The following DNM3 variants were observed in gnomAD, a reference collection of about 807,000 sequenced individuals.
DNM3 encodes the protein dynamin 3, also known as dynamin-3.
In DNM3, 47 loss-of-function variants were observed where a neutral mutation model predicts 101.6. That is an observed-to-expected ratio of 0.46 (90% CI 0.37 to 0.59). The LOEUF is 0.59. Ranked by LOEUF, DNM3 falls within the 20% of genes least tolerant of loss-of-function variation. DNM3 has a pLI of 0.00. For synonymous variants in DNM3, 385 were observed against 387.9 expected (o/e 0.99, Z 0.09); for missense variants, 849 against 1,085.7 (o/e 0.78, Z 3.06).
intron 1 of DNM3, among the ~76,000 whole-genome samples, chr1:171,884,211 G>A (rs141368461): frequency 3.3e-5 from 5 of 152,184 alleles, no homozygotes; most frequent in Non-Finnish European, 5.9e-5. Flanking sequence ...TGGTTCTGGT[G>A]TTCTCTTTGG....
chr1:172,192,821 A>G (rs1209192476), intron 14 of DNM3, among the ~76,000 whole-genome samples: 3 of 151,570 alleles, frequency 2.0e-5, no homozygotes, highest in African/African-American at 7.3e-5. Context: ...ATTGTGAATA[A>G]TGTCGCAATA....
intron 13 of DNM3, 128 bp downstream of exon 13, chr1:172,093,003 G>C: frequency 3.5e-6 from 3 of 867,542 alleles, no homozygotes; most frequent in Non-Finnish European, 5.1e-6. Context: ...CTTTCATTTT[G>C]ATTTGTTTTT....
At chr1:172,297,327 C>T (rs1157804516) in intron 15 of DNM3, among the ~76,000 whole-genome samples, 1 of 151,566 alleles carries the variant, frequency 6.6e-6, no homozygotes, top group Non-Finnish European at 1.5e-5. Flanking sequence ...ATTTTTTCAA[C>T]CTCTTCTATA....
chr1:171,938,060 C>G (rs987590886), intron 2 of DNM3, among the ~76,000 whole-genome samples: 18 of 150,368 alleles, frequency 1.2e-4, no homozygotes, highest in African/African-American at 4.2e-4. Flanking sequence ...AATGAGCAAT[C>G]GTTCTTTTTA....
intron 15 of DNM3, among the ~76,000 whole-genome samples, chr1:172,276,151 G>A (rs1053403839): frequency 6.6e-6 from 1 of 152,030 alleles, no homozygotes. Flanking sequence ...TATTGGTAGG[G>A]TGTCCTAATT....
At chr1:171,902,802 A>T (rs1016116875) in intron 1 of DNM3, among the ~76,000 whole-genome samples, 2 of 152,202 alleles carry the variant, frequency 1.3e-5, no homozygotes, top group African/African-American at 4.8e-5. Context: ...GTTACTGGTT[A>T]AAAACTACTT....
Position 172,034,560 on chromosome 1 carries a change from G to A in DNM3, c.849+1295G>A, listed in dbSNP as rs189957729. 3.3e-3 allele frequency among the ~76,000 whole-genome samples: 496 copies of A among 151,784 alleles called. 3 individuals are homozygous for A. The highest frequency in any genetic ancestry group is 8.1e-3 in the South Asian group (39 of 4,808). On this transcript the variant is annotated intron_variant, in intron 6 of 20. Coordinates refer to ENST00000627582, the MANE Select transcript of DNM3 (RefSeq NM_015569.5). ...TTATTACAGGTGACCCCCAAGTTAT[G>A]ACACAATTGGATTCTCGTTGACTAA...
chr1:172,142,914 A>T (rs1406994497), intron 14 of DNM3, among the ~76,000 whole-genome samples: 1 of 151,988 alleles, frequency 6.6e-6, no homozygotes, highest in Non-Finnish European at 1.5e-5. Flanking sequence ...GATTTTTAAC[A>T]TCTCATTTGT....
intron 14 of DNM3, among the ~76,000 whole-genome samples, chr1:172,198,861 C>G (rs1347779297): frequency 6.6e-6 from 1 of 151,894 alleles, no homozygotes; most frequent in Non-Finnish European, 1.5e-5. Context: ...AAAATCAACT[C>G]CTGGATTCAT....
At chr1:172,388,498 G>T in intron 19 of DNM3, 75 bp from the exon 20 acceptor site, 7 of 1,294,402 alleles carry the variant, frequency 5.4e-6, no homozygotes, top group Non-Finnish European at 6.5e-6. Context: ...AAAGCAGGAA[G>T]TTACAAAACA....
At chr1:172,346,019 A>C (rs1263743547) in intron 17 of DNM3, among the ~76,000 whole-genome samples, 2 of 149,414 alleles carry the variant, frequency 1.3e-5, no homozygotes, top group African/African-American at 4.9e-5. Flanking sequence ...GTTACTCAGG[A>C]GGCTGAGGCA....
intron 14 of DNM3, among the ~76,000 whole-genome samples, chr1:172,168,409 A>G (rs778549189): frequency 1.3e-5 from 2 of 152,006 alleles, no homozygotes; most frequent in Non-Finnish European, 2.9e-5. Context: ...TGGTCATAGC[A>G]GGGTGAATGC....
intron 13 of DNM3, among the ~76,000 whole-genome samples, chr1:172,122,363 A>G (rs1009297484): frequency 9.2e-5 from 14 of 152,222 alleles, no homozygotes; most frequent in Middle Eastern, 3.4e-3. Context: ...TCTCATAACA[A>G]CTCTACATTA....
intron 12 of DNM3, among the ~76,000 whole-genome samples, chr1:172,088,515 C>T (rs1276623055): frequency 6.6e-6 from 1 of 152,146 alleles, no homozygotes; most frequent in African/African-American, 2.4e-5. Flanking sequence ...TTCTCCATAA[C>T]TGGCCCCAAC....
intron 15 of DNM3, among the ~76,000 whole-genome samples, chr1:172,288,382 A>G (rs1049782407): frequency 1.3e-5 from 2 of 152,196 alleles, no homozygotes; most frequent in African/African-American, 4.8e-5. Flanking sequence ...GTGTTCATGG[A>G]ACTGATAGCT....
At chr1:172,189,906 T>G (rs1439975128) in intron 14 of DNM3, among the ~76,000 whole-genome samples, 2 of 151,950 alleles carry the variant, frequency 1.3e-5, no homozygotes, top group Non-Finnish European at 2.9e-5. Context: ...GAGCAAGAAC[T>G]TATTTATCAC....
At chr1:172,156,996 T>C (rs1411044302) in intron 14 of DNM3, among the ~76,000 whole-genome samples, 2 of 152,100 alleles carry the variant, frequency 1.3e-5, no homozygotes. Context: ...ACTGGTTTCA[T>C]GGAAGACAAT....
At chr1:172,370,804 A>G (rs982094348) in intron 17 of DNM3, among the ~76,000 whole-genome samples, 3 of 151,992 alleles carry the variant, frequency 2.0e-5, no homozygotes, top group Non-Finnish European at 4.4e-5. Flanking sequence ...TCTGTCTCAC[A>G]AGATATTTGT....
intron 1 of DNM3, among the ~76,000 whole-genome samples, chr1:171,898,166 G>A (rs1169399775): frequency 1.3e-5 from 2 of 152,072 alleles, no homozygotes; most frequent in African/African-American, 4.8e-5. Flanking sequence ...TAATAAAAAT[G>A]GGATCTTTGC....
Sources: gnomAD v4.1 joint callset for allele counts (sites outside exome capture counted in the v4.1 genomes callset) on GRCh38, gnomAD v4.1.1 for gene constraint, MANE v1.5 for transcripts, NCBI Gene and HGNC (gene_info 2026-07-23, HGNC 2026-07-21) for gene names.